The following PCCB variants were observed in gnomAD, a reference collection of about 807,000 sequenced individuals.
The protein encoded by PCCB is propionyl-CoA carboxylase beta chain, mitochondrial.
Under a neutral mutation model 60.7 loss-of-function variants are expected in PCCB, and 43 were observed. That is an observed-to-expected ratio of 0.71 (90% CI 0.55 to 0.91). The LOEUF is 0.91. Among genes scored for constraint, PCCB ranks in the 40% least tolerant of loss-of-function variants. The pLI, the probability that PCCB is intolerant of heterozygous loss-of-function variation, is 0.00. For missense variants in PCCB, 766 were observed against 702.8 expected, an observed-to-expected ratio of 1.09 and a Z score of -1.02; for synonymous variants, 276 against 255.9, an observed-to-expected ratio of 1.08 and a Z score of -0.75.
intron 10 of PCCB, among the ~76,000 whole-genome samples, chr3:136,317,982 T>C (rs1934970148): frequency 6.6e-6 from 1 of 152,228 alleles, no homozygotes; most frequent in Non-Finnish European, 1.5e-5. Flanking sequence ...TTAGGAAGAA[T>C]CTGTCTTTCT....
chr3:136,261,606 T>C (rs1449928811), intron 4 of PCCB, among the ~76,000 whole-genome samples: 11 of 152,226 alleles, frequency 7.2e-5, no homozygotes, highest in Admixed American at 7.2e-4. Context: ...TTCTGTCTAC[T>C]GTAAGTTCTG....
intron 6 of PCCB, among the ~76,000 whole-genome samples, chr3:136,288,632 C>T (rs1933533806): frequency 6.6e-6 from 1 of 150,504 alleles, no homozygotes; most frequent in Non-Finnish European, 1.5e-5. Context: ...GTATAAGCCA[C>T]AGCACCTGGT....
intron 1 of PCCB, among the ~76,000 whole-genome samples, chr3:136,253,770 A>G (rs1001254058): frequency 5.4e-5 from 8 of 148,580 alleles, no homozygotes; most frequent in African/African-American, 2.0e-4. Context: ...TCTGGGCTCC[A>G]GTGATCCTCC....
intron 4 of PCCB, among the ~76,000 whole-genome samples, chr3:136,261,482 G>A (rs1941823770): frequency 6.6e-6 from 1 of 152,198 alleles, no homozygotes; most frequent in Non-Finnish European, 1.5e-5. Context: ...TATGCTGTCG[G>A]AATTACTAAC....
intron 6 of PCCB, among the ~76,000 whole-genome samples, chr3:136,289,594 G>T (rs753870007): frequency 6.6e-6 from 1 of 151,892 alleles, no homozygotes; most frequent in Non-Finnish European, 1.5e-5. Context: ...CTGACAATCC[G>T]TCTTTTAATT....
chr3:136,322,719 G>A (rs887296880), intron 10 of PCCB, among the ~76,000 whole-genome samples: 16 of 152,234 alleles, frequency 1.1e-4, no homozygotes, highest in African/African-American at 2.6e-4. Context: ...TTGTGATACC[G>A]TCTAGTGTTC....
At chr3:136,277,258 C>T (rs1004860449) in intron 5 of PCCB, among the ~76,000 whole-genome samples, 9 of 152,126 alleles carry the variant, frequency 5.9e-5, no homozygotes, top group Non-Finnish European at 8.8e-5. Flanking sequence ...GTTTTGCAGG[C>T]AATGATGATA....
chr3:136,268,905 T>G (rs1283005466), intron 5 of PCCB, among the ~76,000 whole-genome samples: 1 of 152,244 alleles, frequency 6.6e-6, no homozygotes, highest in Non-Finnish European at 1.5e-5. Context: ...TCTGTTTATG[T>G]AGCTCTATAC....
chr3:136,292,723 GTGTTTGTGTTAGATAA>G (rs564722843), intron 6 of PCCB, among the ~76,000 whole-genome samples: 225 of 152,310 alleles, frequency 1.5e-3, no homozygotes, highest in Non-Finnish European at 2.6e-3. Context: ...GCATTAGAAA[GTGTTTGTGTTAGATAA>G]TGTTTGTGTT....
At chr3:136,260,422 G>T in intron 3 of PCCB, 57 bp from the exon 4 acceptor site, 1 of 1,420,698 alleles carries the variant, frequency 7.0e-7, no homozygotes. Context: ...CTCCCACTGG[G>T]TTTTCATCTC....
chr3:136,305,515 G>T (rs1378547769), intron 9 of PCCB, among the ~76,000 whole-genome samples: 1 of 120,098 alleles, frequency 8.3e-6, no homozygotes, highest in African/African-American at 2.5e-5. Flanking sequence ...TTGGGAGGCT[G>T]AGGCGGGTGG....
chr3:136,297,993 T>G lies in PCCB; in HGVS notation c.805T>G (p.Cys269Gly). 1 of 1,614,180 alleles carries G rather than the reference T, an allele frequency of 6.2e-7. No homozygotes were observed. The highest frequency in any genetic ancestry group is 8.5e-7 in the Non-Finnish European group (1 of 1,179,982). Reference protein sequence around the residue: ...RAFENDVDALCNLRDFFNYLP... With the variant: ...RAFENDVDALGNLRDFFNYLP... ...TTTTGAAAATGATGTTGATGCCTTGTGTAATCTCCGGGATTTCTTCAACTA... is the reference window on the plus strand; with the variant it reads ...TTTTGAAAATGATGTTGATGCCTTGGGTAATCTCCGGGATTTCTTCAACTA... The change falls in exon 8 of 15, where the codon TGT becomes GGT. Residue 269 changes from cysteine to glycine, a missense_variant. Cys to Gly is a radical substitution (Grantham distance 159). Transcript: ENST00000251654.
At chr3:136,317,166 C>T (rs1934929360) in intron 10 of PCCB, 102 bp downstream of exon 10, 1 of 1,085,630 alleles carries the variant, frequency 9.2e-7, no homozygotes, top group South Asian at 1.4e-5. Context: ...CAGACATGGC[C>T]TTCCATGACC....
chr3:136,263,816 A>T (rs1367335804), intron 5 of PCCB, among the ~76,000 whole-genome samples: 1 of 152,138 alleles, frequency 6.6e-6, no homozygotes, highest in Non-Finnish European at 1.5e-5. Context: ...GTTCAAGACC[A>T]GCCTGGCCAA....
chr3:136,323,495 T>C (rs1418091772), intron 10 of PCCB, among the ~76,000 whole-genome samples: 4 of 152,088 alleles, frequency 2.6e-5, no homozygotes, highest in Non-Finnish European at 4.4e-5. Flanking sequence ...TATTTAAGAC[T>C]AGTTTAGGCT....
chr3:136,317,124 C>G, intron 10 of PCCB, 60 bp downstream of exon 10: 1 of 1,581,742 alleles, frequency 6.3e-7, no homozygotes, highest in South Asian at 1.1e-5. Flanking sequence ...AGCCTGGGTC[C>G]ATGGTATCCT....
intron 7 of PCCB, among the ~76,000 whole-genome samples, chr3:136,294,768 C>A (rs1933859493): frequency 6.6e-6 from 1 of 152,016 alleles, no homozygotes; most frequent in South Asian, 2.1e-4. Context: ...TCACATCATA[C>A]CCAGGTAATT....
Position 136,328,767 on chromosome 3 carries a change from G to C in PCCB, c.1408G>C (p.Glu470Gln), listed in dbSNP as rs1463687334. ...ACTCCTCTAATCACAGGGCGCTGTG[G>C]AGATCATCTTCAAAGGGCATGAGAA... ...IAVMGAKGAVEIIFKGHENVE... is the reference protein window; with the variant it reads ...IAVMGAKGAVQIIFKGHENVE... The change falls in exon 14 of 15, where the codon GAG (glutamate) becomes CAG (glutamine). Residue 470 changes from glutamate to glutamine, a missense_variant. Glu to Gln is a conservative substitution (Grantham distance 29, BLOSUM62 2). Coordinates refer to ENST00000251654, the MANE Select transcript of PCCB (RefSeq NM_000532.5). 1 of 1,613,776 alleles carries C rather than the reference G, an allele frequency of 6.2e-7. No individual in the cohort carries two copies. The highest frequency in any genetic ancestry group is 1.1e-5 in the South Asian group (1 of 91,064).
chr3:136,274,380 A>T (rs1157968284), intron 5 of PCCB, among the ~76,000 whole-genome samples: 1 of 152,118 alleles, frequency 6.6e-6, no homozygotes, highest in Non-Finnish European at 1.5e-5. Context: ...TCATTTAGGA[A>T]ACTTAGTTTT....
Sources: gnomAD v4.1 joint callset for allele counts (sites outside exome capture counted in the v4.1 genomes callset) on GRCh38, gnomAD v4.1.1 for gene constraint, MANE v1.5 for transcripts, NCBI Gene and HGNC (gene_info 2026-07-23, HGNC 2026-07-21) for gene names.